TMEM117: variants seen among roughly 807,000 people sequenced by gnomAD.
The protein encoded by TMEM117 is transmembrane protein 117.
A neutral mutation model predicts 52.4 loss-of-function variants in TMEM117; 27 were observed. The observed-to-expected ratio is 0.51, with a 90% CI of 0.38 to 0.71. The LOEUF is 0.71. Among genes scored for constraint, TMEM117 ranks in the 30% least tolerant of loss-of-function variants. The pLI is 0.00. For missense variants in TMEM117, 556 were observed against 630.5 expected (o/e 0.88, Z 1.26); for synonymous variants, 215 against 206.3 (o/e 1.04, Z -0.36).
downstream of TMEM117, among the ~76,000 whole-genome samples, chr12:44,392,638 A>G (rs1166932395): frequency 6.6e-6 from 1 of 151,278 alleles, no homozygotes; most frequent in Non-Finnish European, 1.5e-5. Flanking sequence ...TCGTCATTTA[A>G]CATTAGGCAT....
At chr12:44,376,037 C>G (rs1176035786) in intron 6 of TMEM117, among the ~76,000 whole-genome samples, 1 of 152,176 alleles carries the variant, frequency 6.6e-6, no homozygotes, top group Non-Finnish European at 1.5e-5. Context: ...TTGGCTCAAA[C>G]TGATGCTGAA....
chr12:44,044,363 T>G (rs1456942790), intron 3 of TMEM117, among the ~76,000 whole-genome samples: 1 of 152,220 alleles, frequency 6.6e-6, no homozygotes, highest in Non-Finnish European at 1.5e-5. Context: ...TTGGCCTGTT[T>G]CTGGGCTTTG....
chr12:44,266,481 A>G lies in TMEM117; in HGVS notation c.609-33099A>G, dbSNP rs146761344. Among the ~76,000 whole-genome samples the G allele has an allele frequency of 9.0e-4, 137 of 152,064 alleles. 1 individual carries two copies. Among genetic ancestry groups the G allele is most frequent in the African/African-American group, 3.2e-3 (131 of 41,484 alleles). On this transcript the variant is annotated intron_variant, in intron 5 of 7. Transcript: ENST00000266534. ...TTTAAATTGGGTTATTTGTCTTTTT[A>G]TGGTTGAGTTGTAAGAGTTTTTATA...
At chr12:44,013,028 CTTT>C (rs112180367) in intron 3 of TMEM117, among the ~76,000 whole-genome samples, 2 of 141,684 alleles carry the variant, frequency 1.4e-5, no homozygotes, top group Non-Finnish European at 1.5e-5. Context: ...TTCTTTCTTG[CTTT>C]TTTTTTTTTT....
chr12:44,236,669 C>T (rs563280346), intron 5 of TMEM117, among the ~76,000 whole-genome samples: 64 of 152,192 alleles, frequency 4.2e-4, no homozygotes, highest in African/African-American at 1.5e-3. Context: ...TTATCACTGG[C>T]CCTATAATAG....
chr12:44,228,935 T>C (rs1244065021), intron 5 of TMEM117, among the ~76,000 whole-genome samples: 1 of 152,084 alleles, frequency 6.6e-6, no homozygotes, highest in Non-Finnish European at 1.5e-5. Flanking sequence ...AGTTGCTGTA[T>C]GGAGAATGGA....
At chr12:44,197,607 G>A (rs942788934) in intron 4 of TMEM117, among the ~76,000 whole-genome samples, 6 of 152,072 alleles carry the variant, frequency 3.9e-5, no homozygotes, top group Admixed American at 3.3e-4. Flanking sequence ...ATTCAATGTG[G>A]TGGAAAGCAA....
intron 5 of TMEM117, among the ~76,000 whole-genome samples, chr12:44,298,049 TAAAA>T (rs1950790765): frequency 2.6e-5 from 4 of 151,094 alleles, no homozygotes; most frequent in African/African-American, 9.9e-5. Context: ...GTTTATTTTC[TAAAA>T]TTTTAAAAAA....
intron 4 of TMEM117, among the ~76,000 whole-genome samples, chr12:44,154,805 T>TTA (rs1948804571): frequency 6.6e-6 from 1 of 151,540 alleles, no homozygotes; most frequent in African/African-American, 2.4e-5. Context: ...TGATTTTTTT[T>TTA]AAAAAAAATA....
At chr12:43,929,626 A>G (rs571633260) in intron 2 of TMEM117, among the ~76,000 whole-genome samples, 5 of 152,250 alleles carry the variant, frequency 3.3e-5, no homozygotes, top group African/African-American at 9.6e-5. Context: ...GACAGTCAGG[A>G]TAACCATGTC....
intron 3 of TMEM117, among the ~76,000 whole-genome samples, chr12:43,979,909 G>A (rs1016325855): frequency 1.3e-5 from 2 of 152,186 alleles, no homozygotes; most frequent in African/African-American, 2.4e-5. Context: ...AAAGGGGTCT[G>A]CAGAGTGACC....
intron 4 of TMEM117, among the ~76,000 whole-genome samples, chr12:44,174,326 A>G (rs1322004526): frequency 6.6e-6 from 1 of 152,196 alleles, no homozygotes; most frequent in Non-Finnish European, 1.5e-5. Flanking sequence ...TGCATAGTTC[A>G]TTTTGGGATA....
intron 6 of TMEM117, among the ~76,000 whole-genome samples, chr12:44,356,268 T>C (rs1592715095): frequency 6.6e-6 from 1 of 152,168 alleles, no homozygotes; most frequent in East Asian, 1.9e-4. Flanking sequence ...ACTGCATTTG[T>C]TGCAAACTGC....
rs541717066 is a variant in TMEM117, at chr12:43,845,533, T to C, written c.277+605T>C. Among the ~76,000 whole-genome samples, 257 of 151,190 alleles carry C rather than the reference T, an allele frequency of 1.7e-3. 1 individual carries two copies. Among genetic ancestry groups the C allele is most frequent in the African/African-American group, 5.1e-3 (207 of 40,780 alleles). Reference sequence around the variant, plus strand: ...ATACCTAGTCATTTTTTAAAAACTTTTTTTATTTTTAAAATTTTTTTTATT... The same window carrying C: ...ATACCTAGTCATTTTTTAAAAACTTCTTTTATTTTTAAAATTTTTTTTATT... On this transcript the variant is annotated intron_variant, in intron 2 of 7. Coordinates refer to ENST00000266534, the MANE Select transcript of TMEM117 (RefSeq NM_032256.3).
rs971431743 is a variant in TMEM117 at position 43,986,423 on chromosome 12, C to T, written c.410+42081C>T. 2.0e-5 allele frequency among the ~76,000 whole-genome samples: 3 copies of T among 152,092 alleles called. No individual in the cohort carries two copies. In the South Asian group the frequency reaches 6.2e-4, roughly 31 times the overall value. On this transcript the variant is annotated intron_variant, in intron 3 of 7. Coordinates refer to ENST00000266534, the MANE Select transcript of TMEM117 (RefSeq NM_032256.3). ...TTAGAATTTGACTATTATTTTCCAT[C>T]AGCACTTTGAAGACATTACTTTGTT...
At chr12:43,813,231 G>GC in the TMEM117 span, among the ~76,000 whole-genome samples, 12 of 62,614 alleles carry the variant, frequency 1.9e-4, no homozygotes, top group African/African-American at 7.1e-4. Flanking sequence ...GTTTTCTCTT[G>GC]TTTTTTTTTT....
chr12:44,221,888 G>A (rs1462770176), intron 5 of TMEM117, among the ~76,000 whole-genome samples: 10 of 151,844 alleles, frequency 6.6e-5, no homozygotes, highest in African/African-American at 1.7e-4. Context: ...TAGTAGAGAC[G>A]GGATTTCACC....
chr12:44,265,501 A>T (rs560206225), intron 5 of TMEM117, among the ~76,000 whole-genome samples: 4 of 152,288 alleles, frequency 2.6e-5, no homozygotes, highest in African/African-American at 9.6e-5. Context: ...GGTTTGGGTG[A>T]GAGAGGGCAG....
intron 3 of TMEM117, among the ~76,000 whole-genome samples, chr12:43,970,154 G>T (rs1388624235): frequency 6.6e-6 from 1 of 152,126 alleles, no homozygotes; most frequent in Non-Finnish European, 1.5e-5. Context: ...CACCGTCTTG[G>T]TTATCAGATT....
Sources: gnomAD v4.1 joint callset for allele counts (sites outside exome capture counted in the v4.1 genomes callset) on GRCh38, gnomAD v4.1.1 for gene constraint, MANE v1.5 for transcripts, NCBI Gene and HGNC (gene_info 2026-07-23, HGNC 2026-07-21) for gene names.